Variants in SNTB1 observed in about 807,000 individuals in gnomAD.
SNTB1 encodes syntrophin beta 1.
A neutral mutation model predicts 48.9 loss-of-function variants in SNTB1; 36 were observed. The ratio of observed to expected loss-of-function variants is 0.74; its 90% CI spans 0.56 to 0.97. The LOEUF (loss-of-function observed/expected upper bound fraction) is 0.97. Among genes scored for constraint, SNTB1 ranks in the 50% least tolerant of loss-of-function variants. The probability of loss-of-function intolerance (pLI) is 0.00; values close to 1 mark genes in which losing one functional copy is unlikely to be tolerated. For missense variants in SNTB1, 786 were observed against 703.4 expected, an observed-to-expected ratio of 1.12 and a Z score of -1.33; for synonymous variants, 299 against 294.6, an observed-to-expected ratio of 1.01 and a Z score of -0.15.
intron 4 of SNTB1, among the ~76,000 whole-genome samples, chr8:120,557,874 CACACA>C (rs1815592332): frequency 1.3e-5 from 2 of 152,204 alleles, no homozygotes; most frequent in South Asian, 2.1e-4. Flanking sequence ...CATACACAAA[CACACA>C]ACACAACACA....
intron 4 of SNTB1, among the ~76,000 whole-genome samples, chr8:120,552,394 A>C (rs2130656306): frequency 6.6e-6 from 1 of 151,444 alleles, no homozygotes; most frequent in Middle Eastern, 3.4e-3. Context: ...ATTTAGACAG[A>C]GTCACCCAGG....
At chr8:120,570,807 C>T (rs750769371) in intron 4 of SNTB1, 3 of 160,248 alleles carry the variant, frequency 1.9e-5, no homozygotes, top group Non-Finnish European at 4.1e-5. Context: ...CTGGAATGCT[C>T]ATGCCCCTCT....
chr8:120,763,533 T>G (rs1420938920), intron 1 of SNTB1, among the ~76,000 whole-genome samples: 10 of 152,184 alleles, frequency 6.6e-5, no homozygotes, highest in Non-Finnish European at 5.9e-5. Context: ...TTTCTACATA[T>G]GACGTAAAAT....
rs149026818 is a variant in SNTB1 at position 120,778,679 on chromosome 8, G to A, written c.571+32594C>T. ...AGCATCAGGCTTTTTGCTAGTAGCT[G>A]AGTCTTCATTGCCATCAAGAGTCCC... is the stretch of plus-strand genomic sequence containing the variant. On this transcript the variant is annotated intron_variant, in intron 1 of 6. Transcript: ENST00000517992. Among the ~76,000 whole-genome samples the A allele has an allele frequency of 2.6e-5, 4 of 152,332 alleles. No individual in the cohort carries two copies. The South Asian group carries it at 6.2e-4, about 24-fold the overall frequency.
At chr8:120,649,142 C>T (rs1304109397) in intron 2 of SNTB1, among the ~76,000 whole-genome samples, 2 of 150,018 alleles carry the variant, frequency 1.3e-5, no homozygotes, top group Non-Finnish European at 1.5e-5. Context: ...GTAATTTGAT[C>T]GTCTGAAGCC....
intron 3 of SNTB1, among the ~76,000 whole-genome samples, chr8:120,614,976 TAAA>T (rs61318757): frequency 9.6e-5 from 7 of 73,266 alleles, no homozygotes; most frequent in East Asian, 3.5e-4. Flanking sequence ...TCACCTCTAC[TAAA>T]AAAAAAAAAA....
At chr8:120,553,512 T>C (rs569737092) in intron 4 of SNTB1, among the ~76,000 whole-genome samples, 1 of 152,330 alleles carries the variant, frequency 6.6e-6, no homozygotes, top group East Asian at 1.9e-4. Context: ...TGTGTGCATG[T>C]CCTCTGGATA....
At chr8:120,644,076 T>G (rs1817240695) in intron 2 of SNTB1, among the ~76,000 whole-genome samples, 1 of 152,120 alleles carries the variant, frequency 6.6e-6, no homozygotes, top group African/African-American at 2.4e-5. Context: ...AAAAGCCTGT[T>G]AGCAAATGTA....
intron 4 of SNTB1, among the ~76,000 whole-genome samples, chr8:120,556,242 C>G (rs1815565357): frequency 6.6e-6 from 1 of 152,082 alleles, no homozygotes. Flanking sequence ...AGAGTCGGAA[C>G]CCGCTTCTGG....
At chr8:120,624,382 A>G (rs1043566282) in intron 3 of SNTB1, among the ~76,000 whole-genome samples, 2 of 152,220 alleles carry the variant, frequency 1.3e-5, no homozygotes, top group African/African-American at 4.8e-5. Flanking sequence ...GAGCATGCAC[A>G]TGAGAGAATC....
At position 120,781,242 on chromosome 8, in the gene SNTB1, C is replaced by G. The variant is rs371056798; in HGVS notation, c.571+30031G>C. Among the ~76,000 whole-genome samples the G allele has an allele frequency of 6.6e-5, 10 of 152,244 alleles. No individual in the cohort carries two copies. In the South Asian group the frequency reaches 1.0e-3, roughly 16 times the overall value. ...ATATTTTTAAAGTTAGGGTGGTAAC[C>G]ACTAAAAGAGCTAAATATGGAAACT... is the stretch of plus-strand genomic sequence containing the variant. On this transcript the variant is annotated intron_variant, in intron 1 of 6. Coordinates refer to ENST00000517992, the MANE Select transcript of SNTB1 (RefSeq NM_021021.4).
At chr8:120,804,762 A>AGT (rs1820299431) in intron 1 of SNTB1, among the ~76,000 whole-genome samples, 1 of 150,728 alleles carries the variant, frequency 6.6e-6, no homozygotes, top group African/African-American at 2.4e-5. Context: ...TTTTTTCCCC[A>AGT]CTCTTCCCCC....
chr8:120,755,152 G>GT (rs1322735517), intron 1 of SNTB1, among the ~76,000 whole-genome samples: 2 of 87,698 alleles, frequency 2.3e-5, no homozygotes, highest in Non-Finnish European at 3.7e-5. Context: ...TTGTGTGTGT[G>GT]TGTGTGTGTG....
intron 1 of SNTB1, among the ~76,000 whole-genome samples, chr8:120,743,677 G>A (rs1029766545): frequency 2.0e-5 from 3 of 152,194 alleles, no homozygotes; most frequent in African/African-American, 7.2e-5. Flanking sequence ...CACTTTTAGA[G>A]GTGTGGGGTT....
chr8:120,754,780 G>A (rs1277443377), intron 1 of SNTB1, among the ~76,000 whole-genome samples: 1 of 152,150 alleles, frequency 6.6e-6, no homozygotes, highest in Non-Finnish European at 1.5e-5. Flanking sequence ...AAGATCATAA[G>A]CAAAGGCTAC....
intron 1 of SNTB1, among the ~76,000 whole-genome samples, chr8:120,699,617 C>A (rs547242133): frequency 6.6e-6 from 1 of 152,328 alleles, no homozygotes; most frequent in South Asian, 2.1e-4. Context: ...GCCAATTAAA[C>A]CTCTTTCCTT....
chr8:120,601,928 A>ATAGC (rs1421243344), intron 3 of SNTB1, among the ~76,000 whole-genome samples: 2 of 152,348 alleles, frequency 1.3e-5, no homozygotes, highest in Admixed American at 1.3e-4. Context: ...TGAGAGCCAC[A>ATAGC]TAGCCAGATA....
chr8:120,564,228 T>C lies in SNTB1; in HGVS notation c.1136+10858A>G, dbSNP rs1179501029. 2.0e-5 allele frequency among the ~76,000 whole-genome samples: 3 copies of C among 152,140 alleles called. No homozygotes were observed. The East Asian group carries it at 5.8e-4, about 29-fold the overall frequency. On this transcript the variant is annotated intron_variant, in intron 4 of 6. Coordinates refer to ENST00000517992, the MANE Select transcript of SNTB1 (RefSeq NM_021021.4). ...AGGTGACTGTATTTGAGATAGGGCC[T>C]AAGATGAGCTGGTTAAAGCTAAATG...
chr8:120,740,541 G>A (rs1022378335), intron 1 of SNTB1, among the ~76,000 whole-genome samples: 1 of 152,194 alleles, frequency 6.6e-6, no homozygotes, highest in Admixed American at 6.5e-5. Flanking sequence ...CTAACTCCTA[G>A]GCAAATAAAG....
Sources: allele counts gnomAD v4.1 joint callset (sites outside exome capture counted in the v4.1 genomes callset), GRCh38; gene constraint gnomAD v4.1.1; transcripts MANE v1.5; gene names NCBI Gene and HGNC (gene_info 2026-07-23, HGNC 2026-07-21).